The following SLC25A21 variants were observed in gnomAD, a reference collection of about 807,000 sequenced individuals.
The protein encoded by SLC25A21 is mitochondrial 2-oxodicarboxylate carrier.
In SLC25A21, 47 loss-of-function variants were observed where a neutral mutation model predicts 43.8. That is an observed-to-expected ratio of 1.07 (90% CI 0.85 to 1.37). The LOEUF (loss-of-function observed/expected upper bound fraction) is 1.37. SLC25A21 is among the 40% of genes most tolerant of loss of function. The pLI, the probability that SLC25A21 is intolerant of heterozygous loss-of-function variation, is 0.00. For synonymous variants in SLC25A21, 131 were observed against 121.3 expected, an observed-to-expected ratio of 1.08 and a Z score of -0.52; for missense variants, 352 against 350.2, an observed-to-expected ratio of 1.00 and a Z score of -0.04.
At chr14:36,851,759 T>G (rs1434296161) in intron 2 of SLC25A21, among the ~76,000 whole-genome samples, 1 of 152,214 alleles carries the variant, frequency 6.6e-6, no homozygotes, top group Non-Finnish European at 1.5e-5. Context: ...TTAATGTGTG[T>G]TCTCCAAATG....
chr14:36,820,148 A>G (rs755441142), intron 2 of SLC25A21, among the ~76,000 whole-genome samples: 2 of 152,170 alleles, frequency 1.3e-5, no homozygotes, highest in Non-Finnish European at 2.9e-5. Flanking sequence ...AGATAGGTAA[A>G]GAGCATTTCT....
intron 3 of SLC25A21, among the ~76,000 whole-genome samples, chr14:36,807,468 T>C (rs1888083216): frequency 6.6e-6 from 1 of 152,180 alleles, no homozygotes; most frequent in South Asian, 2.1e-4. Flanking sequence ...ATTAGATTCA[T>C]GGCTGTGGGA....
chr14:36,690,351 A>C (rs1335455569), intron 7 of SLC25A21, among the ~76,000 whole-genome samples: 1 of 152,214 alleles, frequency 6.6e-6, no homozygotes, highest in Non-Finnish European at 1.5e-5. Flanking sequence ...TGATATAACA[A>C]ACCCTATGAG....
In SLC25A21 at chr14:36,986,627, T is replaced by C. The variant is rs534330685; in HGVS notation, c.71-111623A>G. Among the ~76,000 whole-genome samples, 8 of 152,248 alleles carry C rather than the reference T, an allele frequency of 5.3e-5. No homozygotes were observed. In the South Asian group the frequency reaches 1.7e-3, roughly 32 times the overall value. On this transcript the variant is annotated intron_variant, in intron 1 of 9. Transcript: ENST00000331299. ...TAATCCAGGAGTCTCAGGTTAGCAA[T>C]CTCCTGTTACAGCAAGCCTTAGTGG... is the stretch of plus-strand genomic sequence containing the variant.
intron 3 of SLC25A21, among the ~76,000 whole-genome samples, chr14:36,755,826 C>T (rs549151050): frequency 6.6e-6 from 1 of 152,272 alleles, no homozygotes; most frequent in East Asian, 1.9e-4. Flanking sequence ...CAGAGCTCCA[C>T]CCCTCCCTCT....
intron 7 of SLC25A21, among the ~76,000 whole-genome samples, chr14:36,703,475 T>C (rs562480848): frequency 1.3e-5 from 2 of 152,346 alleles, no homozygotes; most frequent in African/African-American, 4.8e-5. Context: ...GTTTATTAAA[T>C]AAGAAAGATT....
chr14:36,751,922 T>C (rs1019853336), intron 3 of SLC25A21, among the ~76,000 whole-genome samples: 2 of 152,232 alleles, frequency 1.3e-5, no homozygotes, highest in Admixed American at 6.5e-5. Flanking sequence ...ATTTGGAGTC[T>C]ATATTTGGAA....
intron 2 of SLC25A21, among the ~76,000 whole-genome samples, chr14:36,819,797 T>C (rs1370363864): frequency 6.6e-6 from 1 of 152,070 alleles, no homozygotes; most frequent in African/African-American, 2.4e-5. Flanking sequence ...TATTATACAT[T>C]TGGTGCAAAA....
intron 1 of SLC25A21, among the ~76,000 whole-genome samples, chr14:37,115,112 CAAAG>C (rs1963083954): frequency 6.6e-6 from 1 of 152,134 alleles, no homozygotes; most frequent in South Asian, 2.1e-4. Context: ...ACCACTCAAT[CAAAG>C]AGAGTTTCTT....
At chr14:36,805,534 C>G in intron 3 of SLC25A21, among the ~76,000 whole-genome samples, 1 of 152,130 alleles carries the variant, frequency 6.6e-6, no homozygotes, top group East Asian at 1.9e-4. Flanking sequence ...ACTTTACAAC[C>G]CAGTACAGCT....
In SLC25A21 at chr14:36,679,962, T is replaced by TAAAACAG. The variant is rs76021271; in HGVS notation, c.*695_*696insCTGTTTT. On this transcript the variant is annotated 3_prime_UTR_variant, in exon 10 of 10. Coordinates refer to ENST00000331299, the MANE Select transcript of SLC25A21 (RefSeq NM_030631.4). The stretch of plus-strand genomic sequence containing the variant: ...TTTAAACATGCTTAAACAACAGTGT[T>TAAAACAG]TTAACATTCTGTTTTAAACAATGTT... The TAAAACAG allele has an allele frequency of 1.1e-6, 1 of 877,246 alleles. No individual in the cohort carries two copies. The highest frequency in any genetic ancestry group is 1.4e-6 in the Non-Finnish European group (1 of 732,630). The allele number at this position is 877,246 out of a possible 1,614,324, so 54.3% of individuals were successfully genotyped here.
chr14:36,981,770 T>A (rs531438866), intron 1 of SLC25A21, among the ~76,000 whole-genome samples: 1 of 152,144 alleles, frequency 6.6e-6, no homozygotes, highest in Non-Finnish European at 1.5e-5. Context: ...CATACCAACA[T>A]GGCACATGTA....
chr14:36,764,083 G>GAAAA (rs1213150423), intron 3 of SLC25A21, among the ~76,000 whole-genome samples: 1 of 19,714 alleles, frequency 5.1e-5, no homozygotes, highest in Non-Finnish European at 9.3e-5. Flanking sequence ...AAAGAAAGAA[G>GAAAA]GAAGGAAGGA....
At chr14:37,146,667 T>C (rs1057011226) in intron 1 of SLC25A21, among the ~76,000 whole-genome samples, 11 of 152,242 alleles carry the variant, frequency 7.2e-5, no homozygotes, top group Admixed American at 5.9e-4. Context: ...ATTAGTATTA[T>C]GCATTCATTC....
intron 1 of SLC25A21, among the ~76,000 whole-genome samples, chr14:36,880,354 T>C (rs546084044): frequency 1.2e-3 from 178 of 152,326 alleles, no homozygotes; most frequent in African/African-American, 4.2e-3. Flanking sequence ...CAGACACTCA[T>C]GTTGGAGAAA....
At position 36,779,344 on chromosome 14, in the gene SLC25A21, A is replaced by C. The variant is rs28859606; in HGVS notation, c.203+34574T>G. Reference sequence around the variant, plus strand: ...ATAAAGAATATTATCCAGCCTTTTAAAAAAAGAAGGAATTATATATCTCTC... The same window carrying C: ...ATAAAGAATATTATCCAGCCTTTTACAAAAAGAAGGAATTATATATCTCTC... On this transcript the variant is annotated intron_variant, in intron 3 of 9. Coordinates refer to ENST00000331299, the MANE Select transcript of SLC25A21 (RefSeq NM_030631.4). 9.1e-3 allele frequency among the ~76,000 whole-genome samples: 1,328 copies of C among 145,414 alleles called. 7 individuals are homozygous for C. The highest frequency in any genetic ancestry group is 0.031 in the African/African-American group (1,255 of 40,124).
At chr14:37,150,971 G>T (rs1280561208) in intron 1 of SLC25A21, among the ~76,000 whole-genome samples, 1 of 151,878 alleles carries the variant, frequency 6.6e-6, no homozygotes, top group Non-Finnish European at 1.5e-5. Flanking sequence ...ATACTTGATG[G>T]TCGATAAATA....
At chr14:36,767,904 G>C (rs766069714) in intron 3 of SLC25A21, among the ~76,000 whole-genome samples, 1 of 152,186 alleles carries the variant, frequency 6.6e-6, no homozygotes, top group Non-Finnish European at 1.5e-5. Flanking sequence ...ACAGGCTTTG[G>C]ATCTGAAGTT....
chr14:36,787,673 G>T (rs898270714), intron 3 of SLC25A21, among the ~76,000 whole-genome samples: 22 of 152,150 alleles, frequency 1.4e-4, no homozygotes, highest in African/African-American at 5.1e-4. Context: ...ATAATACTGA[G>T]TAAATATTGC....
Sources: allele counts gnomAD v4.1 joint callset (sites outside exome capture counted in the v4.1 genomes callset), GRCh38; gene constraint gnomAD v4.1.1; transcripts MANE v1.5; gene names NCBI Gene and HGNC (gene_info 2026-07-23, HGNC 2026-07-21).